Variants in PHF20L1 observed in about 807,000 individuals in gnomAD.
PHF20L1 encodes PHD finger protein 20 like 1.
A neutral mutation model predicts 125.5 loss-of-function variants in PHF20L1; 44 were observed. That is an observed-to-expected ratio of 0.35 (90% CI 0.28 to 0.45). PHF20L1 has a LOEUF of 0.45. PHF20L1 is among the 20% of genes least tolerant of loss of function. PHF20L1 has a pLI of 1.00. For missense variants in PHF20L1, 1,012 were observed against 1,217.2 expected, an observed-to-expected ratio of 0.83 and a Z score of 2.51; for synonymous variants, 380 against 403.1, an observed-to-expected ratio of 0.94 and a Z score of 0.69.
intron 4 of PHF20L1, among the ~76,000 whole-genome samples, chr8:132,795,269 A>G (rs1832253326): frequency 6.6e-6 from 1 of 152,082 alleles, no homozygotes; most frequent in Non-Finnish European, 1.5e-5. Context: ...GATTTCCCTT[A>G]TTGTGTCTCT....
intron 20 of PHF20L1, among the ~76,000 whole-genome samples, chr8:132,845,188 CATT>C (rs1288880253): frequency 6.6e-6 from 1 of 151,974 alleles, no homozygotes; most frequent in African/African-American, 2.4e-5. Flanking sequence ...CCAAAGGAAA[CATT>C]AATAAAAACT....
intron 20 of PHF20L1, 44 bp from the exon 21 acceptor site, chr8:132,845,736 CT>C: frequency 7.3e-7 from 1 of 1,372,110 alleles, no homozygotes; most frequent in Non-Finnish European, 1.0e-6. Flanking sequence ...TCTGACTGTT[CT>C]TCCAGTTGCA....
intron 2 of PHF20L1, among the ~76,000 whole-genome samples, chr8:132,779,182 C>T (rs750406525): frequency 2.0e-5 from 3 of 152,134 alleles, no homozygotes; most frequent in Non-Finnish European, 4.4e-5. Flanking sequence ...TCGATACTGT[C>T]ACTAGGTGAA....
intron 6 of PHF20L1, chr8:132,800,040 A>T (rs1254009100): frequency 1.3e-5 from 2 of 148,806 alleles, no homozygotes; most frequent in African/African-American, 4.9e-5. Flanking sequence ...CAAAAGTCTC[A>T]ATTTTTTTTT....
rs182688634 is a variant in PHF20L1 at position 132,836,423 on chromosome 8, C to T, written c.1910-117C>T. 6.9e-4 allele frequency: 453 copies of T among 659,296 alleles called. 1 individual carries two copies. Among genetic ancestry groups the T allele is most frequent in the Non-Finnish European group, 1.4e-4 (53 of 389,916 alleles). 40.8% of individuals were successfully genotyped at this position (659,296 alleles called of 1,614,324 possible). A position where few individuals can be genotyped will look rare whatever the true frequency, so the allele number is the denominator to read the frequency against. ...ACAGTACAGTATTCTTATTTGTTTGCTCCCCCTTTTTAAAATGTTTAATAG... is the reference window on the plus strand; with the variant it reads ...ACAGTACAGTATTCTTATTTGTTTGTTCCCCCTTTTTAAAATGTTTAATAG... On this transcript the variant is annotated intron_variant, in intron 15 of 20. Transcript: ENST00000395386.
chr8:132,777,041 A>C (rs1829881332), intron 1 of PHF20L1, among the ~76,000 whole-genome samples: 1 of 152,234 alleles, frequency 6.6e-6, no homozygotes, highest in Non-Finnish European at 1.5e-5. Context: ...CTAGCATTAC[A>C]ACCACTTTTA....
intron 9 of PHF20L1, chr8:132,813,039 A>G (rs973029905): frequency 6.3e-6 from 6 of 954,414 alleles, no homozygotes; most frequent in Non-Finnish European, 6.2e-6. Flanking sequence ...TTTAAAAACA[A>G]TGTTAATTTT....
At chr8:132,813,927 C>G (rs1055347648) in intron 9 of PHF20L1, among the ~76,000 whole-genome samples, 2 of 150,944 alleles carry the variant, frequency 1.3e-5, no homozygotes, top group Non-Finnish European at 3.0e-5. Flanking sequence ...TCTAAGAATG[C>G]GACGTATTTT....
intron 8 of PHF20L1, chr8:132,806,942 A>C (rs978830483): frequency 6.6e-6 from 1 of 152,020 alleles, no homozygotes; most frequent in Admixed American, 6.6e-5. Flanking sequence ...TATATTTATC[A>C]TTCTTTCTAT....
At chr8:132,843,008 G>A (rs1838085533) in intron 19 of PHF20L1, 133 bp downstream of exon 19, 6 of 1,408,102 alleles carry the variant, frequency 4.3e-6, no homozygotes, top group Non-Finnish European at 4.6e-6. Flanking sequence ...TTAAAGTAAG[G>A]AGATTTTTTT....
chr8:132,791,632 A>T (rs555717499), intron 2 of PHF20L1, among the ~76,000 whole-genome samples: 5 of 152,342 alleles, frequency 3.3e-5, no homozygotes, highest in African/African-American at 1.2e-4. Flanking sequence ...ATAAATGTTT[A>T]ATGAATGAAC....
At chr8:132,807,643 G>A in intron 8 of PHF20L1, 1 of 438,748 alleles carries the variant, frequency 2.3e-6, no homozygotes, top group Non-Finnish European at 4.5e-6. Context: ...GACCAAGAAT[G>A]TAACCACTTT....
At position 132,794,698 on chromosome 8, in the gene PHF20L1, T is replaced by C. The variant is rs1265232050; in HGVS notation, c.256-35T>C. The C allele has an allele frequency of 2.6e-6, 4 of 1,533,628 alleles. No individual in the cohort carries two copies. The South Asian group carries it at 3.5e-5, about 13-fold the overall frequency. The stretch of plus-strand genomic sequence containing the variant: ...TTTGTTAAGAAATGCTTATTTAATA[T>C]ACATGGAATTGATCTTAAAAGTTGT... On this transcript the variant is annotated intron_variant, in intron 3 of 20. Transcript: ENST00000395386.
chr8:132,804,069 C>T (rs188379868), intron 7 of PHF20L1, 37 bp downstream of exon 7: 1 of 1,328,554 alleles, frequency 7.5e-7, no homozygotes, highest in Non-Finnish European at 1.1e-6. Flanking sequence ...CCTTATGACA[C>T]TGGTAAACTC....
intron 2 of PHF20L1, among the ~76,000 whole-genome samples, chr8:132,786,263 A>G (rs1193549516): frequency 1.3e-5 from 2 of 152,134 alleles, no homozygotes; most frequent in African/African-American, 4.8e-5. Context: ...TAATTTTAAT[A>G]ATGTGATGTA....
rs540856546 is a variant in PHF20L1, at chr8:132,787,263, G to T, written c.84-7147G>T. 3.3e-5 allele frequency among the ~76,000 whole-genome samples: 5 copies of T among 152,088 alleles called. No homozygotes were observed. The East Asian group carries it at 7.7e-4, about 24-fold the overall frequency. ...AGGCATGGCAGGATTCAGGTGCTGG[G>T]GGGGTGGGAGGAGAGAGGAACAGGA... On this transcript the variant is annotated intron_variant, in intron 2 of 20. Transcript: ENST00000395386.
At chr8:132,783,294 A>G (rs540192207) in intron 2 of PHF20L1, among the ~76,000 whole-genome samples, 1 of 152,204 alleles carries the variant, frequency 6.6e-6, no homozygotes. Context: ...AACAGTATAA[A>G]TTTGAATTGG....
intron 15 of PHF20L1, 28 bp from the exon 16 acceptor site, chr8:132,836,512 C>G (rs778498077): frequency 1.4e-6 from 2 of 1,421,946 alleles, no homozygotes; most frequent in Non-Finnish European, 1.9e-6. Context: ...AAAAGTTGTT[C>G]TAAGTATACT....
In PHF20L1 at chr8:132,788,867, G is replaced by A. The variant is rs549232305; in HGVS notation, c.84-5543G>A. Reference sequence around the variant, plus strand: ...TTGTCTTTCAAAAGTTTTTGGTTTTGTGAATGTGGACCACTTTGAAAATCT... The same window carrying A: ...TTGTCTTTCAAAAGTTTTTGGTTTTATGAATGTGGACCACTTTGAAAATCT... On this transcript the variant is annotated intron_variant, in intron 2 of 20. Transcript: ENST00000395386. 9.9e-5 allele frequency: 15 copies of A among 152,114 alleles called. No individual in the cohort carries two copies. In the South Asian group the frequency reaches 2.9e-3, roughly 29 times the overall value. The allele number at this position is 152,114 out of a possible 1,614,324, so 9.4% of individuals were successfully genotyped here.
Sources: gnomAD v4.1 joint callset for allele counts (sites outside exome capture counted in the v4.1 genomes callset) on GRCh38, gnomAD v4.1.1 for gene constraint, MANE v1.5 for transcripts, NCBI Gene and HGNC (gene_info 2026-07-23, HGNC 2026-07-21) for gene names.